The following ZSCAN5A variants were observed in gnomAD, a reference collection of about 807,000 sequenced individuals.
ZSCAN5A encodes zinc finger and SCAN domain-containing protein 5A.
A neutral mutation model predicts 23.7 loss-of-function variants in ZSCAN5A; 12 were observed. The observed-to-expected ratio is 0.51, with a 90% CI of 0.32 to 0.82. ZSCAN5A has a LOEUF of 0.82. Ranked by LOEUF, ZSCAN5A falls within the 40% of genes least tolerant of loss-of-function variation. The pLI is 0.03. For synonymous variants in ZSCAN5A, 257 were observed against 239.9 expected (o/e 1.07, Z -0.66); for missense variants, 597 against 617.9 (o/e 0.97, Z 0.36).
chr19:56,237,273 C>T (rs2035009501), intron 2 of ZSCAN5A, among the ~76,000 whole-genome samples: 1 of 152,336 alleles, frequency 6.6e-6, no homozygotes, highest in South Asian at 2.1e-4. Flanking sequence ...CCGGTAACAG[C>T]TCCACGTACA....
intron 2 of ZSCAN5A, chr19:56,282,378 G>A (rs1335890221): frequency 3.7e-6 from 2 of 536,276 alleles, no homozygotes; most frequent in Admixed American, 6.4e-5. Flanking sequence ...GGGGTGCAAT[G>A]AGGTACCAAG....
intron 2 of ZSCAN5A, among the ~76,000 whole-genome samples, chr19:56,296,622 G>T (rs912308798): frequency 6.6e-6 from 1 of 152,174 alleles, no homozygotes; most frequent in Non-Finnish European, 1.5e-5. Context: ...GTGACCAAGT[G>T]AAACTTGTAT....
intron 2 of ZSCAN5A, among the ~76,000 whole-genome samples, chr19:56,327,972 TG>T (rs2041451861): frequency 6.6e-6 from 1 of 152,162 alleles, no homozygotes; most frequent in Non-Finnish European, 1.5e-5. Flanking sequence ...GTACATATTT[TG>T]ATACATATAC....
At chr19:56,362,175 A>C (rs1285487361) in intron 2 of ZSCAN5A, among the ~76,000 whole-genome samples, 2 of 147,140 alleles carry the variant, frequency 1.4e-5, no homozygotes, top group African/African-American at 2.5e-5. Flanking sequence ...AAAAAAAAAA[A>C]ATTAAAAAAC....
At chr19:56,334,262 T>C (rs2041515086) in intron 2 of ZSCAN5A, among the ~76,000 whole-genome samples, 1 of 152,176 alleles carries the variant, frequency 6.6e-6, no homozygotes, top group African/African-American at 2.4e-5. Flanking sequence ...TGCCTGGGCT[T>C]GGACTATAGA....
At chr19:56,227,791 A>G (rs1052607410) in intron 2 of ZSCAN5A, among the ~76,000 whole-genome samples, 1 of 152,216 alleles carries the variant, frequency 6.6e-6, no homozygotes, top group African/African-American at 2.4e-5. Context: ...AAAGTGGCTC[A>G]GGCCTGTAAT....
intron 2 of ZSCAN5A, among the ~76,000 whole-genome samples, chr19:56,243,685 T>A (rs1241215842): frequency 6.6e-6 from 1 of 152,138 alleles, no homozygotes; most frequent in Non-Finnish European, 1.5e-5. Flanking sequence ...AAAAAAAAAC[T>A]GATTTCACTT....
intron 2 of ZSCAN5A, among the ~76,000 whole-genome samples, chr19:56,238,974 G>A (rs11670078): frequency 0.15 from 23,412 of 152,058 alleles, 1,908 homozygotes; most frequent in East Asian, 0.2. Context: ...CACTATCAAC[G>A]CCTCAATTCT....
intron 2 of ZSCAN5A, among the ~76,000 whole-genome samples, chr19:56,349,000 A>T (rs2041651238): frequency 6.6e-6 from 1 of 152,236 alleles, no homozygotes; most frequent in Non-Finnish European, 1.5e-5. Context: ...GGCTACAGTC[A>T]GGATGGCAAA....
intron 2 of ZSCAN5A, among the ~76,000 whole-genome samples, chr19:56,262,699 TGA>T (rs2037212057): frequency 6.6e-6 from 1 of 152,194 alleles, no homozygotes; most frequent in Admixed American, 6.5e-5. Context: ...CCCAAAATGC[TGA>T]GATTACAGGC....
At position 56,242,999 on chromosome 19, in the gene ZSCAN5A, G is replaced by A. The variant is rs750937481; in HGVS notation, c.-127-17826C>T. On this transcript the variant is annotated intron_variant, in intron 2 of 5. Transcript: ENST00000683990. ...TCACCATCTTGGTCAGGCTGGTCTC[G>A]AACTCCTGACCTCAAGTGATCCTCC... Among the ~76,000 whole-genome samples, 14 of 152,058 alleles carry A rather than the reference G, an allele frequency of 9.2e-5. 2 individuals are homozygous for A. The highest frequency in any genetic ancestry group is 3.3e-4 in the Admixed American group (5 of 15,258).
At chr19:56,336,354 T>G (rs2041536137) in intron 2 of ZSCAN5A, among the ~76,000 whole-genome samples, 1 of 152,176 alleles carries the variant, frequency 6.6e-6, no homozygotes, top group African/African-American at 2.4e-5. Context: ...TTGCTGATAC[T>G]CTTTCTTCCA....
chr19:56,292,253 A>C (rs772625795), intron 2 of ZSCAN5A, among the ~76,000 whole-genome samples: 1 of 152,158 alleles, frequency 6.6e-6, no homozygotes, highest in Non-Finnish European at 1.5e-5. Context: ...AATTGTAGTA[A>C]AATATACAAA....
At chr19:56,232,020 C>T (rs796071242) in intron 2 of ZSCAN5A, among the ~76,000 whole-genome samples, 31 of 93,546 alleles carry the variant, frequency 3.3e-4, no homozygotes, top group African/African-American at 1.2e-3. Context: ...CAGTGTCTTG[C>T]TCTGTTGCCC....
At chr19:56,275,844 T>C (rs2038206138) in intron 2 of ZSCAN5A, among the ~76,000 whole-genome samples, 1 of 152,222 alleles carries the variant, frequency 6.6e-6, no homozygotes, top group Admixed American at 6.5e-5. Context: ...CATGGGCCAA[T>C]GCCCAGAGCA....
intron 2 of ZSCAN5A, among the ~76,000 whole-genome samples, chr19:56,275,903 C>G (rs966291458): frequency 5.9e-5 from 9 of 152,148 alleles, no homozygotes; most frequent in Non-Finnish European, 1.3e-4. Context: ...ATGGACTTAT[C>G]GATGGATGGA....
intron 2 of ZSCAN5A, chr19:56,246,186 A>T (rs2035877728): frequency 1.2e-5 from 2 of 173,832 alleles, no homozygotes; most frequent in Admixed American, 6.2e-5. Context: ...GGAGGCCCAT[A>T]GGAAGTCTGC....
chr19:56,304,488 A>G (rs1197124647), intron 2 of ZSCAN5A, among the ~76,000 whole-genome samples: 1 of 152,216 alleles, frequency 6.6e-6, no homozygotes, highest in Non-Finnish European at 1.5e-5. Context: ...ACAACACGCC[A>G]CGACAAAAAT....
intron 1 of ZSCAN5A, among the ~76,000 whole-genome samples, chr19:56,314,042 G>A (rs982038693): frequency 1.3e-5 from 2 of 152,206 alleles, no homozygotes; most frequent in Non-Finnish European, 2.9e-5. Flanking sequence ...CTGGCATCCA[G>A]TGGGTGAGGT....
Sources: gnomAD v4.1 joint callset for allele counts (sites outside exome capture counted in the v4.1 genomes callset) on GRCh38, gnomAD v4.1.1 for gene constraint, MANE v1.5 for transcripts, NCBI Gene and HGNC (gene_info 2026-07-23, HGNC 2026-07-21) for gene names.